INTS13: variants seen among roughly 807,000 people sequenced by gnomAD.
INTS13 encodes the protein integrator complex subunit 13, also known as asunder, spermatogenesis regulator homolog (Drosphila).
INTS13 carries 35 observed loss-of-function variants against 90.2 expected under a neutral mutation model. That is an observed-to-expected ratio of 0.39 (90% CI 0.30 to 0.51). The LOEUF (loss-of-function observed/expected upper bound fraction) is 0.51. INTS13 is among the 20% of genes least tolerant of loss of function. The pLI is 0.80. For missense variants in INTS13, 601 were observed against 851.2 expected, an observed-to-expected ratio of 0.71 and a Z score of 3.66; for synonymous variants, 309 against 277.1, an observed-to-expected ratio of 1.11 and a Z score of -1.14.
chr12:26,926,506 C>A (rs1937882579), intron 5 of INTS13, among the ~76,000 whole-genome samples: 1 of 152,144 alleles, frequency 6.6e-6, no homozygotes, highest in African/African-American at 2.4e-5. Context: ...TGAGAACAAT[C>A]CTACTCATAA....
chr12:26,906,516 A>C (rs1951615701), intron 15 of INTS13, 79 bp from the exon 16 acceptor site: 1 of 1,403,478 alleles, frequency 7.1e-7, no homozygotes, highest in East Asian at 2.3e-5. Flanking sequence ...TTCCAAACTT[A>C]CCTTTAATTC....
intron 1 of INTS13, among the ~76,000 whole-genome samples, chr12:26,937,314 G>A (rs1938519935): frequency 6.6e-6 from 1 of 152,100 alleles, no homozygotes; most frequent in Non-Finnish European, 1.5e-5. Context: ...GACAGCAAAA[G>A]AAAAGGCCAA....
In INTS13 at chr12:26,917,613, T is replaced by C. The variant is rs565259266; in HGVS notation, c.979+31A>G. On this transcript the variant is annotated intron_variant, in intron 9 of 16. Transcript: ENST00000261191. ...ATAATACCTTAAGAACCTTTTGATT[T>C]CGTCTTTTTCAGTTATTCTTAAATA... 125 of 1,571,864 alleles carry C rather than the reference T, an allele frequency of 8.0e-5. 2 individuals are homozygous for C. The South Asian group carries it at 1.0e-3, about 13-fold the overall frequency.
At chr12:26,932,118 A>G (rs1938229780) in intron 3 of INTS13, among the ~76,000 whole-genome samples, 1 of 151,512 alleles carries the variant, frequency 6.6e-6, no homozygotes, top group South Asian at 2.1e-4. Context: ...CTCATAAACC[A>G]AAAAAGAAAG....
chr12:26,933,168 C>T (rs1197308665), intron 3 of INTS13, among the ~76,000 whole-genome samples: 1 of 151,878 alleles, frequency 6.6e-6, no homozygotes, highest in Non-Finnish European at 1.5e-5. Context: ...GGGTTAAAAG[C>T]GTCAAAAAAG....
intron 15 of INTS13, 105 bp downstream of exon 15, chr12:26,911,073 G>T: frequency 7.9e-7 from 1 of 1,265,060 alleles, no homozygotes; most frequent in Non-Finnish European, 1.1e-6. Context: ...GACCTCAGGT[G>T]ATCTGCTTGC....
At chr12:26,937,242 C>A (rs1307169247) in intron 1 of INTS13, among the ~76,000 whole-genome samples, 1 of 152,140 alleles carries the variant, frequency 6.6e-6, no homozygotes, top group African/African-American at 2.4e-5. Context: ...CACTTCCCTC[C>A]AAGAAAAACG....
At chr12:26,936,891 G>T in intron 1 of INTS13, 77 bp from the exon 2 acceptor site, 1 of 956,990 alleles carries the variant, frequency 1.0e-6, no homozygotes. Flanking sequence ...CAAGAAGATT[G>T]TCTTTCCCTC....
chr12:26,929,315 A>C (rs1010740881), intron 3 of INTS13, among the ~76,000 whole-genome samples: 6 of 152,208 alleles, frequency 3.9e-5, no homozygotes, highest in African/African-American at 1.4e-4. Flanking sequence ...TTAATGGTGA[A>C]AGATTGGATG....
intron 9 of INTS13, 91 bp from the exon 10 acceptor site, chr12:26,917,532 T>C (rs947141839): frequency 4.9e-6 from 6 of 1,227,322 alleles, no homozygotes; most frequent in East Asian, 4.7e-5. Flanking sequence ...ACTGAGTTCA[T>C]TGAGTCCTGA....
In INTS13 at chr12:26,917,679, GTTA is replaced by G; in HGVS notation, c.941_943del (p.Ile314del). The stretch of plus-strand genomic sequence containing the variant: ...TGTCCTTGGTGTACACCACTTTAAT[GTTA>G]TTGTTTCTTTAAACGAGCCTTCTCG... On this transcript the variant is annotated inframe_deletion, in exon 9 of 17. Transcript: ENST00000261191. The G allele has an allele frequency of 6.2e-7, 1 of 1,613,844 alleles. No homozygotes were observed. The highest frequency in any genetic ancestry group is 8.5e-7 in the Non-Finnish European group (1 of 1,179,888).
chr12:26,925,220 G>T (rs1476528454), intron 6 of INTS13, among the ~76,000 whole-genome samples: 2 of 151,932 alleles, frequency 1.3e-5, no homozygotes, highest in African/African-American at 4.8e-5. Context: ...AATGCAAAAT[G>T]AAAAACCAGG....
chr12:26,915,141 G>A (rs1040484829), intron 11 of INTS13, among the ~76,000 whole-genome samples: 1 of 152,080 alleles, frequency 6.6e-6, no homozygotes, highest in African/African-American at 2.4e-5. Flanking sequence ...CAGGAGAATC[G>A]CCTAAACCCA....
intron 14 of INTS13, among the ~76,000 whole-genome samples, chr12:26,912,364 G>T (rs532396121): frequency 2.6e-5 from 4 of 152,154 alleles, no homozygotes; most frequent in Non-Finnish European, 4.4e-5. Flanking sequence ...TTGAACCCAG[G>T]AGGCAGAGGC....
chr12:26,919,430 G>C (rs1030536278), intron 8 of INTS13, among the ~76,000 whole-genome samples: 1 of 152,096 alleles, frequency 6.6e-6, no homozygotes, highest in Non-Finnish European at 1.5e-5. Context: ...GCACGGGGCG[G>C]GTTTAAGGTC....
intron 15 of INTS13, among the ~76,000 whole-genome samples, chr12:26,908,840 C>T (rs1278707824): frequency 6.6e-6 from 1 of 152,126 alleles, no homozygotes; most frequent in Non-Finnish European, 1.5e-5. Flanking sequence ...CAGTAATATG[C>T]AATCAAGTTG....
intron 2 of INTS13, 28 bp from the exon 3 acceptor site, chr12:26,934,658 A>G: frequency 2.0e-6 from 3 of 1,479,458 alleles, no homozygotes; most frequent in Non-Finnish European, 2.8e-6. Context: ...AACAATTAGT[A>G]TTCAACTCTA....
At chr12:26,921,831 T>A (rs1250214133) in intron 8 of INTS13, among the ~76,000 whole-genome samples, 1 of 152,202 alleles carries the variant, frequency 6.6e-6, no homozygotes, top group Non-Finnish European at 1.5e-5. Flanking sequence ...AATTTTTTAA[T>A]TTTTAGTAGA....
chr12:26,908,538 T>G (rs949047340), intron 15 of INTS13, among the ~76,000 whole-genome samples: 1 of 140,380 alleles, frequency 7.1e-6, no homozygotes, highest in Admixed American at 7.0e-5. Flanking sequence ...GTTATTTTGG[T>G]TTTTTTTTTT....
Sources: allele counts gnomAD v4.1 joint callset (sites outside exome capture counted in the v4.1 genomes callset), GRCh38; gene constraint gnomAD v4.1.1; transcripts MANE v1.5; gene names NCBI Gene and HGNC (gene_info 2026-07-23, HGNC 2026-07-21).